The following DEPTOR variants were observed in gnomAD, a reference collection of about 807,000 sequenced individuals.
DEPTOR encodes DEP domain containing MTOR interacting protein, also known as DEP domain-containing mTOR-interacting protein.
In DEPTOR, 41 loss-of-function variants were observed where a neutral mutation model predicts 41.6. That is an observed-to-expected ratio of 0.98 (90% CI 0.77 to 1.28). The LOEUF is 1.28. DEPTOR is among the 50% of genes most tolerant of loss of function. The pLI is 0.00. For missense variants in DEPTOR, 514 were observed against 527.9 expected (o/e 0.97, Z 0.26); for synonymous variants, 195 against 192.3 (o/e 1.01, Z -0.12).
At chr8:119,876,892 A>G (rs1183721392) in intron 1 of DEPTOR, among the ~76,000 whole-genome samples, 3 of 152,222 alleles carry the variant, frequency 2.0e-5, no homozygotes, top group African/African-American at 7.2e-5. Flanking sequence ...CCTGGGCTTC[A>G]TGTATTAATG....
chr8:119,924,125 T>C (rs1039267259), intron 1 of DEPTOR, among the ~76,000 whole-genome samples: 1 of 152,198 alleles, frequency 6.6e-6, no homozygotes, highest in African/African-American at 2.4e-5. Context: ...GTTCCATTGT[T>C]TTACAGCTTA....
In DEPTOR at chr8:120,050,084, G is replaced by C. The variant is rs1813213870; in HGVS notation, c.*380G>C. 1 of 156,118 alleles carries C rather than the reference G, an allele frequency of 6.4e-6. No individual in the cohort carries two copies. The highest frequency in any genetic ancestry group is 1.9e-4 in the South Asian group (1 of 5,150). The allele number at this position is 156,118 out of a possible 1,614,324, so 9.7% of individuals were successfully genotyped here. A position where few individuals can be genotyped will look rare whatever the true frequency, so the allele number is the denominator to read the frequency against. ...CAGAGTCAATAGAGTAGTTGTTAAAGGTTTTAAATTGTACTTTCTCCAAAA... is the reference window on the plus strand; with the variant it reads ...CAGAGTCAATAGAGTAGTTGTTAAACGTTTTAAATTGTACTTTCTCCAAAA... On this transcript the variant is annotated 3_prime_UTR_variant, in exon 9 of 9. Coordinates refer to ENST00000286234, the MANE Select transcript of DEPTOR (RefSeq NM_022783.4).
At chr8:120,005,774 G>A (rs1586654747) in intron 6 of DEPTOR, among the ~76,000 whole-genome samples, 1 of 152,152 alleles carries the variant, frequency 6.6e-6, no homozygotes. Context: ...TTATCGGTGG[G>A]TTTTAGGCAG....
intron 4 of DEPTOR, among the ~76,000 whole-genome samples, chr8:119,973,323 C>T (rs1040783174): frequency 6.6e-6 from 1 of 152,038 alleles, no homozygotes; most frequent in Non-Finnish European, 1.5e-5. Context: ...CAGCCTTGAC[C>T]TCCCAGGCTA....
At chr8:120,020,372 C>T (rs1183118775) in intron 8 of DEPTOR, among the ~76,000 whole-genome samples, 1 of 152,088 alleles carries the variant, frequency 6.6e-6, no homozygotes, top group East Asian at 1.9e-4. Context: ...AGAGACACCA[C>T]ACCCAGCTTG....
chr8:119,981,276 T>C (rs372133732), intron 4 of DEPTOR, among the ~76,000 whole-genome samples: 27 of 152,360 alleles, frequency 1.8e-4, no homozygotes, highest in African/African-American at 6.5e-4. Flanking sequence ...AGGGGGAGTC[T>C]ATTCAGGTCA....
In DEPTOR at chr8:119,997,884, A is replaced by G. The variant is rs188098463; in HGVS notation, c.605-3641A>G. Reference sequence around the variant, plus strand: ...TAGCATGATTGATAAATGCGTTAATATGATTCTTAATGGGTTTTTATTATC... The same window carrying G: ...TAGCATGATTGATAAATGCGTTAATGTGATTCTTAATGGGTTTTTATTATC... On this transcript the variant is annotated intron_variant, in intron 4 of 8. Coordinates refer to ENST00000286234, the MANE Select transcript of DEPTOR (RefSeq NM_022783.4). Among the ~76,000 whole-genome samples, 3 of 152,326 alleles carry G rather than the reference A, an allele frequency of 2.0e-5. No individual in the cohort carries two copies. In the East Asian group the frequency reaches 5.8e-4, roughly 29 times the overall value.
intron 1 of DEPTOR, among the ~76,000 whole-genome samples, chr8:119,926,710 C>T (rs1270385231): frequency 2.0e-5 from 3 of 152,132 alleles, no homozygotes; most frequent in African/African-American, 7.2e-5. Context: ...TAGTATTTTC[C>T]TGATATCACT....
At chr8:119,896,378 G>A (rs967331495) in intron 1 of DEPTOR, among the ~76,000 whole-genome samples, 2 of 152,228 alleles carry the variant, frequency 1.3e-5, no homozygotes, top group Non-Finnish European at 2.9e-5. Context: ...TGATGGTTGA[G>A]GACACAGCTG....
rs368986428 is a variant in DEPTOR at position 120,018,581 on chromosome 8, GA to G, written c.1101+9458del. On this transcript the variant is annotated intron_variant, in intron 8 of 8. Coordinates refer to ENST00000286234, the MANE Select transcript of DEPTOR (RefSeq NM_022783.4). ...GCAACAGAGCAAGACTGACTCAAAA[GA>G]AAAAAAAAATGTAGTTCCTTTCCAG... 5.1e-4 allele frequency among the ~76,000 whole-genome samples: 75 copies of G among 148,296 alleles called. 1 individual carries two copies. Among genetic ancestry groups the G allele is most frequent in the African/African-American group, 1.3e-3 (53 of 40,536 alleles).
intron 1 of DEPTOR, among the ~76,000 whole-genome samples, chr8:119,918,677 T>C (rs776248031): frequency 1.6e-4 from 25 of 152,222 alleles, no homozygotes; most frequent in Admixed American, 5.2e-4. Context: ...GCCAGGATGG[T>C]CTTGATCTCT....
At chr8:119,935,913 G>A (rs1333336055) in intron 3 of DEPTOR, among the ~76,000 whole-genome samples, 1 of 151,196 alleles carries the variant, frequency 6.6e-6, no homozygotes, top group Non-Finnish European at 1.5e-5. Context: ...AAACTTAGAA[G>A]AGACTTCTTA....
intron 8 of DEPTOR, among the ~76,000 whole-genome samples, chr8:120,030,497 G>GTTTTTTCTTTTTTTTTTTTTTTT (rs1812871291): frequency 2.2e-5 from 1 of 46,192 alleles, no homozygotes; most frequent in Non-Finnish European, 3.7e-5. Flanking sequence ...AGGTTCATCA[G>GTTTTTTCTTTTTTTTTTTTTTTT]TTTTTTTTTT....
At chr8:120,026,241 T>G (rs1812794173) in intron 8 of DEPTOR, among the ~76,000 whole-genome samples, 1 of 152,128 alleles carries the variant, frequency 6.6e-6, no homozygotes, top group Non-Finnish European at 1.5e-5. Context: ...GCTGTAGCAG[T>G]GTGATGAGAC....
chr8:120,050,312 G>GA lies in DEPTOR; in HGVS notation c.*608_*609insA, dbSNP rs1357075396. On this transcript the variant is annotated 3_prime_UTR_variant, in exon 9 of 9. Coordinates refer to ENST00000286234, the MANE Select transcript of DEPTOR (RefSeq NM_022783.4). ...AATACAGGTTTCAATTGTGGCATTAGGAAAAAAAAAAACCTTGTGATGCTA... is the reference window on the plus strand; with the variant it reads ...AATACAGGTTTCAATTGTGGCATTAGAGAAAAAAAAAAACCTTGTGATGCTA... 7.8e-6 allele frequency: 1 copy of GA among 127,748 alleles called. No individual in the cohort carries two copies. The highest frequency in any genetic ancestry group is 3.0e-5 in the African/African-American group (1 of 33,712). 7.9% of individuals were successfully genotyped at this position (127,748 alleles called of 1,614,324 possible). A position where few individuals can be genotyped will look rare whatever the true frequency, so the allele number is the denominator to read the frequency against.
At chr8:119,885,723 T>C (rs565092152) in intron 1 of DEPTOR, among the ~76,000 whole-genome samples, 46 of 152,328 alleles carry the variant, frequency 3.0e-4, no homozygotes, top group African/African-American at 1.1e-3. Flanking sequence ...AAATTTCAAA[T>C]GTACAGAAAA....
rs574462251 is a variant in DEPTOR at position 119,882,660 on chromosome 8, C to T, written c.122+8692C>T. ...CTGGACTCCAGCAATCCTCCCACCT[C>T]AGCCTCCCAAAGTGCTGATATTAGA... On this transcript the variant is annotated intron_variant, in intron 1 of 8. Coordinates refer to ENST00000286234, the MANE Select transcript of DEPTOR (RefSeq NM_022783.4). Among the ~76,000 whole-genome samples, 12 of 152,210 alleles carry T rather than the reference C, an allele frequency of 7.9e-5. No individual in the cohort carries two copies. The East Asian group carries it at 1.9e-3, about 25-fold the overall frequency.
intron 8 of DEPTOR, among the ~76,000 whole-genome samples, chr8:120,029,587 G>A (rs920557111): frequency 9.9e-5 from 15 of 151,982 alleles, no homozygotes; most frequent in African/African-American, 3.6e-4. Context: ...GTAGAGACAG[G>A]GTTTCACCAT....
At chr8:120,015,843 C>T (rs1057364479) in intron 8 of DEPTOR, among the ~76,000 whole-genome samples, 11 of 152,054 alleles carry the variant, frequency 7.2e-5, no homozygotes, top group Non-Finnish European at 1.3e-4. Context: ...ATTCACGTAG[C>T]CCGAAAAAGC....
Sources: gnomAD v4.1 joint callset for allele counts (sites outside exome capture counted in the v4.1 genomes callset) on GRCh38, gnomAD v4.1.1 for gene constraint, MANE v1.5 for transcripts, NCBI Gene and HGNC (gene_info 2026-07-23, HGNC 2026-07-21) for gene names.